FIG4: variants seen among roughly 807,000 people sequenced by gnomAD.
FIG4 encodes polyphosphoinositide phosphatase.
In FIG4, 112 loss-of-function variants were observed where a neutral mutation model predicts 118.6. The ratio of observed to expected loss-of-function variants is 0.94; its 90% CI spans 0.81 to 1.11. The LOEUF (loss-of-function observed/expected upper bound fraction) is 1.11. Ranked by LOEUF, FIG4 falls within the 50% of genes least tolerant of loss-of-function variation. The probability of loss-of-function intolerance (pLI) is 0.00; values close to 1 mark genes in which losing one functional copy is unlikely to be tolerated. For missense variants in FIG4, 969 were observed against 1,111.7 expected (o/e 0.87, Z 1.83); for synonymous variants, 369 against 381.2 (o/e 0.97, Z 0.37).
rs554864757 is a variant in FIG4, at chr6:109,708,679, G to C, written c.67-6399G>C. ...AGCCATTCTGACTGGTGTGAGATGG[G>C]CTTTCATTTTGGTTTTGATTTGCAT... On this transcript the variant is annotated intron_variant, in intron 1 of 22. Transcript: ENST00000230124. Among the ~76,000 whole-genome samples the C allele has an allele frequency of 3.9e-5, 6 of 152,086 alleles. No homozygotes were observed. In the East Asian group the frequency reaches 7.7e-4, roughly 20 times the overall value.
At chr6:109,697,899 T>C (rs979599722) in intron 1 of FIG4, among the ~76,000 whole-genome samples, 2 of 152,160 alleles carry the variant, frequency 1.3e-5, no homozygotes, top group African/African-American at 4.8e-5. Flanking sequence ...ATTTTTTTTT[T>C]TTTTTCTAAG....
Position 109,716,333 on chromosome 6 carries a change from C to G in FIG4, c.166-112C>G, listed in dbSNP as rs1029149105. ...CTTACTTGTGTACTATTATATACTT[C>G]TGTATGAAATAGCTGATGATGCTTG... On this transcript the variant is annotated intron_variant, in intron 2 of 22. Transcript: ENST00000230124. 7 of 1,062,640 alleles carry G rather than the reference C, an allele frequency of 6.6e-6. No homozygotes were observed. The African/African-American group carries it at 9.4e-5, about 14-fold the overall frequency. 65.8% of individuals were successfully genotyped at this position (1,062,640 alleles called of 1,614,324 possible). A position where few individuals can be genotyped will look rare whatever the true frequency, so the allele number is the denominator to read the frequency against.
In FIG4 at chr6:109,803,986, T is replaced by C. The variant is rs542465752; in HGVS notation, c.2546+7135T>C. 2.3e-3 allele frequency among the ~76,000 whole-genome samples: 346 copies of C among 152,218 alleles called. 2 individuals carry two copies. The highest frequency in any genetic ancestry group is 0.01 in the Middle Eastern group (3 of 294). On this transcript the variant is annotated intron_variant, in intron 22 of 22. Transcript: ENST00000230124. ...CTAAACTAAAGGGGCCCAAGTTAAA[T>C]AGATTATTTATATGTGGTTTAAACA... is the stretch of plus-strand genomic sequence containing the variant.
intron 22 of FIG4, among the ~76,000 whole-genome samples, chr6:109,799,397 C>T (rs1038399705): frequency 6.6e-6 from 1 of 152,140 alleles, no homozygotes; most frequent in Non-Finnish European, 1.5e-5. Context: ...TGCACAGGGA[C>T]GTGCTTTAAA....
At chr6:109,753,978 T>A (rs1322334223) in intron 10 of FIG4, among the ~76,000 whole-genome samples, 1 of 152,178 alleles carries the variant, frequency 6.6e-6, no homozygotes, top group African/African-American at 2.4e-5. Flanking sequence ...AACACTATGT[T>A]GAATAGGAGT....
intron 4 of FIG4, among the ~76,000 whole-genome samples, chr6:109,731,109 G>A (rs1166750077): frequency 6.6e-6 from 1 of 152,122 alleles, no homozygotes; most frequent in Non-Finnish European, 1.5e-5. Context: ...AGTAATTTGG[G>A]AAATGCAAAT....
chr6:109,699,428 G>A (rs765776089), intron 1 of FIG4, among the ~76,000 whole-genome samples: 50 of 149,002 alleles, frequency 3.4e-4, no homozygotes, highest in Non-Finnish European at 6.4e-4. Flanking sequence ...TCTATATTGT[G>A]TATTTTCTGG....
rs1060501402 is a variant in FIG4 at position 109,776,923 on chromosome 6, T to A, written c.1752T>A (p.Asp584Glu). 1 of 1,612,740 alleles carries A rather than the reference T, an allele frequency of 6.2e-7. No individual in the cohort carries two copies. Among genetic ancestry groups the A allele is most frequent in the Non-Finnish European group, 8.5e-7 (1 of 1,178,952 alleles). The change falls in exon 16 of 23, where the codon GAT (aspartate) becomes GAA (glutamate). Residue 584 changes from aspartate (D) to glutamate (E), a missense_variant and splice_region_variant. Transcript: ENST00000230124. ...LSRYYSNAFS[D>E]ADRQDSINLF... Reference sequence around the variant, plus strand: ...TGAAATATATATTTTGCTTTTTAGATGCCGATAGACAAGATTCCATTAATC... The same window carrying A: ...TGAAATATATATTTTGCTTTTTAGAAGCCGATAGACAAGATTCCATTAATC...
At chr6:109,793,776 T>C (rs1778203398) in intron 21 of FIG4, among the ~76,000 whole-genome samples, 1 of 152,238 alleles carries the variant, frequency 6.6e-6, no homozygotes, top group Admixed American at 6.5e-5. Flanking sequence ...TACTCTATAA[T>C]ATATAAAATA....
chr6:109,776,767 T>C (rs1777629397), intron 15 of FIG4, among the ~76,000 whole-genome samples, 155 bp from the exon 16 acceptor site: 1 of 152,212 alleles, frequency 6.6e-6, no homozygotes, highest in Non-Finnish European at 1.5e-5. Context: ...GCTCCAAATC[T>C]TGGTAACTTA....
At chr6:109,794,742 C>G (rs554061340) in intron 21 of FIG4, among the ~76,000 whole-genome samples, 1 of 152,328 alleles carries the variant, frequency 6.6e-6, no homozygotes, top group South Asian at 2.1e-4. Context: ...CGTTTCTGCA[C>G]TCAGTTGGCT....
intron 15 of FIG4, among the ~76,000 whole-genome samples, chr6:109,774,849 C>T (rs1218584142): frequency 2.6e-5 from 4 of 151,876 alleles, no homozygotes; most frequent in East Asian, 1.9e-4. Flanking sequence ...TTGTCCCTTC[C>T]ACCCCCACCC....
At chr6:109,695,058 C>T (rs1774667697) in intron 1 of FIG4, among the ~76,000 whole-genome samples, 2 of 152,134 alleles carry the variant, frequency 1.3e-5, no homozygotes, top group African/African-American at 4.8e-5. Flanking sequence ...ATCCGGCAGT[C>T]CCACTACTGG....
At chr6:109,741,806 C>G (rs1012830186) in intron 8 of FIG4, among the ~76,000 whole-genome samples, 1 of 152,080 alleles carries the variant, frequency 6.6e-6, no homozygotes, top group African/African-American at 2.4e-5. Context: ...TACTTTAAAT[C>G]ATCTCTAGAT....
chr6:109,715,178 T>C lies in FIG4; in HGVS notation c.165+2T>C, dbSNP rs747899855. On this transcript the variant is annotated splice_donor_variant, in intron 2 of 22. Transcript: ENST00000230124. LOFTEE classifies it high-confidence loss of function. Reference sequence around the variant, plus strand: ...GATTTGGTCATAATTGATGACAGGGTAAGTATCCTCCAAACCTGACTGCAA... The same window carrying C: ...GATTTGGTCATAATTGATGACAGGGCAAGTATCCTCCAAACCTGACTGCAA... The C allele has an allele frequency of 5.9e-6, 9 of 1,533,788 alleles. No homozygotes were observed. Among genetic ancestry groups the C allele is most frequent in the Non-Finnish European group, 8.1e-6 (9 of 1,107,874 alleles).
At chr6:109,786,230 C>T in intron 17 of FIG4, 72 bp from the exon 18 acceptor site, 2 of 1,366,808 alleles carry the variant, frequency 1.5e-6, no homozygotes, top group Non-Finnish European at 2.1e-6. Context: ...TCTGTGAACA[C>T]AGTTAATATT....
chr6:109,789,429 G>T (rs1334596626), intron 18 of FIG4, among the ~76,000 whole-genome samples, 165 bp from the exon 19 acceptor site: 2 of 152,206 alleles, frequency 1.3e-5, no homozygotes, highest in African/African-American at 4.8e-5. Context: ...ATTATCTAGT[G>T]CTGTTAATTC....
chr6:109,714,917 A>G (rs1370818264), intron 1 of FIG4, among the ~76,000 whole-genome samples, 161 bp from the exon 2 acceptor site: 2 of 152,208 alleles, frequency 1.3e-5, no homozygotes, highest in East Asian at 3.9e-4. Context: ...GACCTTTTGG[A>G]GTCAGCTTTT....
intron 15 of FIG4, among the ~76,000 whole-genome samples, chr6:109,770,317 A>G (rs1267934535): frequency 6.6e-6 from 1 of 152,206 alleles, no homozygotes; most frequent in Non-Finnish European, 1.5e-5. Context: ...AGAAACCTAC[A>G]GCAGTTAATA....
Sources: allele counts gnomAD v4.1 joint callset (sites outside exome capture counted in the v4.1 genomes callset), GRCh38; gene constraint gnomAD v4.1.1; transcripts MANE v1.5; gene names NCBI Gene and HGNC (gene_info 2026-07-23, HGNC 2026-07-21).